HPD: variants seen among roughly 807,000 people sequenced by gnomAD.
HPD encodes 4-hydroxyphenylpyruvate dioxygenase, also known as 4-hydroxyphenylpyruvic acid oxidase.
In HPD, 35 loss-of-function variants were observed where a neutral mutation model predicts 56.9. That is an observed-to-expected ratio of 0.62 (90% CI 0.47 to 0.82). The LOEUF (loss-of-function observed/expected upper bound fraction) is 0.82. Ranked by LOEUF, HPD falls within the 40% of genes least tolerant of loss-of-function variation. The pLI is 0.00. For missense variants in HPD, 442 were observed against 506.8 expected (o/e 0.87, Z 1.23); for synonymous variants, 186 against 200.2 (o/e 0.93, Z 0.60).
At chr12:121,863,921 C>A (rs1878250629), upstream of HPD, among the ~76,000 whole-genome samples, 1 of 151,938 alleles carries the variant, frequency 6.6e-6, no homozygotes, top group South Asian at 2.1e-4. Context: ...AAATGTTTTT[C>A]TGTGAAAAGG....
At chr12:121,856,668 G>C (rs746510616) in intron 4 of HPD, 43 bp from the exon 5 acceptor site, 4 of 1,585,456 alleles carry the variant, frequency 2.5e-6, no homozygotes, top group Non-Finnish European at 3.5e-6. Context: ...GGCTCAGGGG[G>C]GCATGGGGAG....
chr12:121,843,904 G>C lies in HPD; in HGVS notation c.832-72C>G, dbSNP rs1029290100. 2.1e-5 allele frequency: 33 copies of C among 1,590,400 alleles called. No homozygotes were observed. The African/African-American group carries it at 4.0e-4, about 19-fold the overall frequency. ...CTCCCCTAGCCAGGTGGAGGTGCTGGGTCATCAGGATACAGGGTCCCTATC... is the reference window on the plus strand; with the variant it reads ...CTCCCCTAGCCAGGTGGAGGTGCTGCGTCATCAGGATACAGGGTCCCTATC... On this transcript the variant is annotated intron_variant, in intron 11 of 13. Transcript: ENST00000289004.
the HPD span, among the ~76,000 whole-genome samples, chr12:121,885,923 C>T: frequency 2.0e-5 from 3 of 150,944 alleles, no homozygotes; most frequent in Non-Finnish European, 4.4e-5. Context: ...CTCGCCACTG[C>T]ACTCCAGCCT....
At chr12:121,877,215 A>G in the HPD span, among the ~76,000 whole-genome samples, 3 of 151,878 alleles carry the variant, frequency 2.0e-5, no homozygotes, top group East Asian at 3.9e-4. Flanking sequence ...GTATTATTCT[A>G]CCCATTGTAC....
At chr12:121,864,877 AACAAC>A (rs1878282905), upstream of HPD, among the ~76,000 whole-genome samples, 2 of 151,968 alleles carry the variant, frequency 1.3e-5, no homozygotes. Context: ...CAACAACAAC[AACAAC>A]AAAAAACTCC....
At chr12:121,864,981 T>C (rs1282260852), upstream of HPD, among the ~76,000 whole-genome samples, 2 of 150,696 alleles carry the variant, frequency 1.3e-5, no homozygotes, top group African/African-American at 4.9e-5. Context: ...GAAAATATTA[T>C]AAACGTCTGG....
chr12:121,851,131 G>A (rs2137621559), intron 7 of HPD, among the ~76,000 whole-genome samples: 2 of 151,668 alleles, frequency 1.3e-5, no homozygotes, highest in East Asian at 3.9e-4. Flanking sequence ...CAAAGTGCTG[G>A]GATTACAAGC....
intron 2 of HPD, 103 bp downstream of exon 2, chr12:121,858,584 T>C: frequency 8.6e-7 from 1 of 1,163,538 alleles, no homozygotes; most frequent in Non-Finnish European, 1.3e-6. Flanking sequence ...ATGTATCCAC[T>C]CCAGTCCTTC....
At position 121,847,377 on chromosome 12, in the gene HPD, C is replaced by T. The variant is rs184574486; in HGVS notation, c.597-163G>A. 3.2e-3 allele frequency among the ~76,000 whole-genome samples: 484 copies of T among 152,210 alleles called. 4 individuals are homozygous for T. The highest frequency in any genetic ancestry group is 0.024 in the Admixed American group (372 of 15,260). ...TTAGATCTTTTTGTTGTTGTTGTTG[C>T]TCGAGACAGAGTCTCACTCTTGCCC... is the stretch of plus-strand genomic sequence containing the variant. On this transcript the variant is annotated intron_variant, in intron 9 of 13. Coordinates refer to ENST00000289004, the MANE Select transcript of HPD (RefSeq NM_002150.3).
intron 7 of HPD, 87 bp from the exon 8 acceptor site, chr12:121,849,877 G>C: frequency 1.2e-6 from 1 of 860,290 alleles, no homozygotes; most frequent in Non-Finnish European, 2.0e-6. Flanking sequence ...ACGTAGCCCC[G>C]GGTTCCAACC....
intron 2 of HPD, among the ~76,000 whole-genome samples, chr12:121,858,050 AC>A (rs1878070266): frequency 7.6e-6 from 1 of 131,662 alleles, no homozygotes; most frequent in Non-Finnish European, 1.8e-5. Context: ...CCAAGGTTTC[AC>A]ACAGGGAAAT....
At chr12:121,885,731 G>A in the HPD span, among the ~76,000 whole-genome samples, 1 of 151,750 alleles carries the variant, frequency 6.6e-6, no homozygotes, top group Non-Finnish European at 1.5e-5. Context: ...GGGAGGCTAA[G>A]GCGGGTGGAT....
At chr12:121,858,877 C>T (rs1878102852), upstream of HPD, 2 of 1,611,374 alleles carry the variant, frequency 1.2e-6, no homozygotes, top group African/African-American at 1.3e-5. Flanking sequence ...GAGTGCTGGG[C>T]CGGAGTATTT....
the HPD span, among the ~76,000 whole-genome samples, chr12:121,883,635 C>A: frequency 1.3e-5 from 2 of 151,682 alleles, no homozygotes; most frequent in Non-Finnish European, 2.9e-5. Flanking sequence ...CTCAGAAGAA[C>A]TGCAAGATAG....
the HPD span, among the ~76,000 whole-genome samples, chr12:121,887,884 A>G: frequency 6.6e-6 from 1 of 152,190 alleles, no homozygotes; most frequent in Admixed American, 6.6e-5. Context: ...ATGTTTGAAT[A>G]CTACACAGAT....
the HPD span, among the ~76,000 whole-genome samples, chr12:121,880,484 A>G: frequency 6.6e-6 from 1 of 151,998 alleles, no homozygotes; most frequent in Non-Finnish European, 1.5e-5. Flanking sequence ...GTGAGCCACC[A>G]TGCCCGGCCT....
the HPD span, among the ~76,000 whole-genome samples, chr12:121,869,247 G>C: frequency 6.6e-6 from 1 of 151,588 alleles, no homozygotes; most frequent in Non-Finnish European, 1.5e-5. Flanking sequence ...CTGCTCAGGA[G>C]ACTGAGGCAG....
chr12:121,853,482 C>T (rs1191787926), intron 7 of HPD, among the ~76,000 whole-genome samples: 2 of 151,286 alleles, frequency 1.3e-5, no homozygotes, highest in East Asian at 2.0e-4. Flanking sequence ...TTTAGCCGGG[C>T]GTGGTGGCGG....
At chr12:121,876,949 C>G in the HPD span, among the ~76,000 whole-genome samples, 1 of 151,862 alleles carries the variant, frequency 6.6e-6, no homozygotes, top group Admixed American at 6.6e-5. Context: ...CAAAAATTAG[C>G]CGGGCATGGT....
Sources: gnomAD v4.1 joint callset for allele counts (sites outside exome capture counted in the v4.1 genomes callset) on GRCh38, gnomAD v4.1.1 for gene constraint, MANE v1.5 for transcripts, NCBI Gene and HGNC (gene_info 2026-07-23, HGNC 2026-07-21) for gene names.